CCDC148: variants seen among roughly 807,000 people sequenced by gnomAD.
CCDC148 encodes the protein coiled-coil domain containing 148.
A neutral mutation model predicts 85.7 loss-of-function variants in CCDC148; 89 were observed. That is an observed-to-expected ratio of 1.04 (90% CI 0.87 to 1.24). CCDC148 has a LOEUF of 1.24. CCDC148 is among the 50% of genes most tolerant of loss of function. The probability of loss-of-function intolerance (pLI) is 0.00; values close to 1 mark genes in which losing one functional copy is unlikely to be tolerated. For synonymous variants in CCDC148, 230 were observed against 213.9 expected, an observed-to-expected ratio of 1.08 and a Z score of -0.66; for missense variants, 692 against 671.7, an observed-to-expected ratio of 1.03 and a Z score of -0.33.
At chr2:158,255,296 G>C (rs963363600) in intron 9 of CCDC148, among the ~76,000 whole-genome samples, 3 of 149,856 alleles carry the variant, frequency 2.0e-5, no homozygotes, top group Admixed American at 6.7e-5. Context: ...ATGGTACCAG[G>C]AAAAAAAAAG....
chr2:158,324,594 C>G (rs1449714809), intron 7 of CCDC148, among the ~76,000 whole-genome samples: 1 of 152,092 alleles, frequency 6.6e-6, no homozygotes, highest in South Asian at 2.1e-4. Flanking sequence ...CCTTAAAGAT[C>G]ATATCTAAAG....
At chr2:158,366,055 CT>C in intron 1 of CCDC148, 4 of 1,540,882 alleles carry the variant, frequency 2.6e-6, no homozygotes, top group Non-Finnish European at 3.5e-6. Flanking sequence ...TGGTTGGTCT[CT>C]TTGATTCATG....
At chr2:158,232,353 T>C (rs1301688052) in intron 10 of CCDC148, among the ~76,000 whole-genome samples, 1 of 152,182 alleles carries the variant, frequency 6.6e-6, no homozygotes, top group African/African-American at 2.4e-5. Context: ...TTTTTCAGTC[T>C]AAGATCATTT....
intron 3 of CCDC148, among the ~76,000 whole-genome samples, chr2:158,344,475 T>C (rs1211597946): frequency 6.6e-6 from 1 of 152,096 alleles, no homozygotes; most frequent in East Asian, 1.9e-4. Flanking sequence ...TTAACTATTT[T>C]GATATAAAAT....
intron 2 of CCDC148, among the ~76,000 whole-genome samples, chr2:158,351,285 G>A (rs929011176): frequency 7.9e-5 from 12 of 152,334 alleles, no homozygotes; most frequent in South Asian, 2.1e-4. Context: ...CGTGAGTGAC[G>A]CAGAAGACGG....
At chr2:158,316,467 C>G (rs890022640) in intron 7 of CCDC148, among the ~76,000 whole-genome samples, 2 of 152,144 alleles carry the variant, frequency 1.3e-5, no homozygotes, top group Admixed American at 1.3e-4. Context: ...TCACCATATC[C>G]ATTTTGACCT....
chr2:158,287,992 A>G (rs1330341252), intron 9 of CCDC148, among the ~76,000 whole-genome samples: 1 of 152,048 alleles, frequency 6.6e-6, no homozygotes, highest in Non-Finnish European at 1.5e-5. Context: ...TCAATTCTTG[A>G]CCTCTGTGCA....
At chr2:158,445,833 T>C (rs1688135393) in intron 1 of CCDC148, among the ~76,000 whole-genome samples, 1 of 152,116 alleles carries the variant, frequency 6.6e-6, no homozygotes, top group Admixed American at 6.5e-5. Context: ...TGGACATATG[T>C]AGTATAGACA....
chr2:158,345,659 G>A (rs1682960360), intron 2 of CCDC148, among the ~76,000 whole-genome samples: 1 of 152,048 alleles, frequency 6.6e-6, no homozygotes, highest in South Asian at 2.1e-4. Context: ...TCCCCTTTTG[G>A]ATTTATCTTC....
intron 1 of CCDC148, among the ~76,000 whole-genome samples, chr2:158,412,740 T>C (rs1291627313): frequency 6.6e-6 from 1 of 151,718 alleles, no homozygotes; most frequent in Non-Finnish European, 1.5e-5. Context: ...AAGGCTAGGT[T>C]TGTTACTTTG....
chr2:158,296,250 G>A (rs1385969605), intron 9 of CCDC148, among the ~76,000 whole-genome samples: 3 of 151,994 alleles, frequency 2.0e-5, no homozygotes, highest in Non-Finnish European at 4.4e-5. Flanking sequence ...TTTTACATAC[G>A]GTAGAAGTAT....
intron 2 of CCDC148, among the ~76,000 whole-genome samples, chr2:158,348,165 T>C (rs1015555153): frequency 1.3e-5 from 2 of 152,060 alleles, no homozygotes; most frequent in African/African-American, 4.8e-5. Flanking sequence ...AAAAGATATA[T>C]GCACAAAGCT....
At position 158,268,631 on chromosome 2, in the gene CCDC148, C is replaced by T. The variant is rs142713192; in HGVS notation, c.1111-17719G>A. Among the ~76,000 whole-genome samples, 21 of 152,134 alleles carry T rather than the reference C, an allele frequency of 1.4e-4. No homozygotes were observed. The East Asian group carries it at 3.7e-3, about 27-fold the overall frequency. On this transcript the variant is annotated intron_variant, in intron 9 of 13. Transcript: ENST00000283233. ...AATATTCAAGCACATTTCAAATATA[C>T]AATTTAGGACTGTTAACTATAGTTA...
intron 9 of CCDC148, among the ~76,000 whole-genome samples, chr2:158,290,157 G>A (rs903138040): frequency 2.0e-5 from 3 of 152,194 alleles, no homozygotes; most frequent in Non-Finnish European, 4.4e-5. Flanking sequence ...ACACAGGAGA[G>A]GGAGCTGAAG....
At chr2:158,351,671 G>C (rs1428067590) in intron 2 of CCDC148, among the ~76,000 whole-genome samples, 1 of 152,164 alleles carries the variant, frequency 6.6e-6, no homozygotes, top group African/African-American at 2.4e-5. Context: ...CATTGCCCAG[G>C]CTTGATTAGG....
At chr2:158,277,888 A>C (rs997362672) in intron 9 of CCDC148, among the ~76,000 whole-genome samples, 1 of 152,070 alleles carries the variant, frequency 6.6e-6, no homozygotes, top group African/African-American at 2.4e-5. Flanking sequence ...TCATTATTTT[A>C]TATACAAAGA....
intron 9 of CCDC148, among the ~76,000 whole-genome samples, chr2:158,276,497 A>C (rs182311313): frequency 6.6e-6 from 1 of 152,240 alleles, no homozygotes; most frequent in Admixed American, 6.5e-5. Flanking sequence ...CGAAGGTTGC[A>C]GTGAGCCGAG....
intron 1 of CCDC148, among the ~76,000 whole-genome samples, chr2:158,401,663 C>G (rs1685790219): frequency 6.6e-6 from 1 of 151,918 alleles, no homozygotes; most frequent in Non-Finnish European, 1.5e-5. Context: ...GCACATTGTG[C>G]TCACGTACCC....
At chr2:158,250,737 C>T (rs1323634767) in intron 10 of CCDC148, 35 bp downstream of exon 10, 4 of 1,508,912 alleles carry the variant, frequency 2.7e-6, no homozygotes, top group Non-Finnish European at 3.5e-6. Flanking sequence ...ATTAAGCATT[C>T]ATTCACACAT....
Sources: gnomAD v4.1 joint callset for allele counts (sites outside exome capture counted in the v4.1 genomes callset) on GRCh38, gnomAD v4.1.1 for gene constraint, MANE v1.5 for transcripts, NCBI Gene and HGNC (gene_info 2026-07-23, HGNC 2026-07-21) for gene names.